ARHGEF17: variants seen among roughly 807,000 people sequenced by gnomAD.
ARHGEF17 encodes the protein 164 kDa Rho-specific guanine-nucleotide exchange factor.
A neutral mutation model predicts 174.0 loss-of-function variants in ARHGEF17; 80 were observed. The observed-to-expected ratio is 0.46, with a 90% confidence interval of 0.38 to 0.55. The LOEUF (loss-of-function observed/expected upper bound fraction) is 0.55. Among genes scored for constraint, ARHGEF17 ranks in the 20% least tolerant of loss-of-function variants. The probability of loss-of-function intolerance (pLI) is 0.00; values close to 1 mark genes in which losing one functional copy is unlikely to be tolerated. For missense variants in ARHGEF17, 2,886 were observed against 2,839.7 expected, an observed-to-expected ratio of 1.02 and a Z score of -0.37; for synonymous variants, 1,311 against 1,189.1, an observed-to-expected ratio of 1.10 and a Z score of -2.11.
chr11:73,364,296 C>A, intron 17 of ARHGEF17, 57 bp downstream of exon 17: 3 of 1,604,538 alleles, frequency 1.9e-6, no homozygotes, highest in Non-Finnish European at 2.6e-6. Context: ...TGTTGGGGCT[C>A]TCTCCTGGAG....
Position 73,362,418 on chromosome 11 carries a change from T to C in ARHGEF17, c.4695-15T>C. ...GGCTCGTAGCTGCTGTCATCCTCAC[T>C]CCGTCTTCTCGCAGGGAGCCTCCTC... On this transcript the variant is annotated splice_polypyrimidine_tract_variant and intron_variant, in intron 13 of 20. Coordinates refer to ENST00000263674, the MANE Select transcript of ARHGEF17 (RefSeq NM_014786.4). 1 of 1,533,342 alleles carries C rather than the reference T, an allele frequency of 6.5e-7. No homozygotes were observed. 95.0% of individuals were successfully genotyped at this position (1,533,342 alleles called of 1,614,324 possible).
chr11:73,340,195 C>T (rs893543881), intron 1 of ARHGEF17, among the ~76,000 whole-genome samples: 1 of 152,202 alleles, frequency 6.6e-6, no homozygotes, highest in African/African-American at 2.4e-5. Context: ...CTCTTTGCTT[C>T]CTTTCATCTC....
chr11:73,321,191 C>T (rs578007556), intron 1 of ARHGEF17, among the ~76,000 whole-genome samples: 1 of 152,336 alleles, frequency 6.6e-6, no homozygotes, highest in East Asian at 1.9e-4. Context: ...GAGCCTGGTT[C>T]TCTGGAGGTG....
chr11:73,350,032 A>G (rs1478901555), intron 2 of ARHGEF17, among the ~76,000 whole-genome samples: 1 of 152,158 alleles, frequency 6.6e-6, no homozygotes, highest in East Asian at 1.9e-4. Context: ...CAGTTTCCTC[A>G]TCTGTAGAGA....
At chr11:73,356,475 T>C in intron 6 of ARHGEF17, 124 bp downstream of exon 6, 1 of 1,285,718 alleles carries the variant, frequency 7.8e-7, no homozygotes. Flanking sequence ...CCACAGTGTG[T>C]TTGCATCCAT....
chr11:73,348,953 T>C (rs991976546), intron 2 of ARHGEF17, among the ~76,000 whole-genome samples: 1 of 151,956 alleles, frequency 6.6e-6, no homozygotes, highest in African/African-American at 2.4e-5. Flanking sequence ...GAGGGATGGC[T>C]CCCAGCAGAG....
intron 1 of ARHGEF17, among the ~76,000 whole-genome samples, chr11:73,329,357 ATATATATATATATATATT>A (rs1195199039): frequency 0.016 from 66 of 4,126 alleles, 1 homozygote; most frequent in Non-Finnish European, 0.025. Flanking sequence ...ATATATATAT[ATATATATATATATATATT>A]TTTTTTTTTT....
chr11:73,362,296 T>C, intron 13 of ARHGEF17, 57 bp downstream of exon 13: 3 of 1,460,312 alleles, frequency 2.1e-6, no homozygotes, highest in Non-Finnish European at 2.7e-6. Flanking sequence ...CCAACCCCTG[T>C]CCCAGCACAC....
intron 2 of ARHGEF17, among the ~76,000 whole-genome samples, chr11:73,349,615 C>CA (rs1240453236): frequency 6.6e-6 from 1 of 151,808 alleles, no homozygotes; most frequent in Non-Finnish European, 1.5e-5. Context: ...GACTCTGTCT[C>CA]AAAAAACAAA....
chr11:73,340,482 A>G (rs1383247560), intron 1 of ARHGEF17, among the ~76,000 whole-genome samples: 8 of 152,134 alleles, frequency 5.3e-5, no homozygotes, highest in Non-Finnish European at 8.8e-5. Context: ...CCTATGAGAA[A>G]AAGCCCTGTG....
At chr11:73,351,370 G>A (rs1317079763) in intron 2 of ARHGEF17, among the ~76,000 whole-genome samples, 5 of 152,068 alleles carry the variant, frequency 3.3e-5, no homozygotes, top group African/African-American at 1.2e-4. Flanking sequence ...AGTAGAGGGC[G>A]ACCTCTCCAC....
chr11:73,310,157 T>A lies in ARHGEF17; in HGVS notation c.1519T>A (p.Ser507Thr). 1 of 1,613,900 alleles carries A rather than the reference T, an allele frequency of 6.2e-7. No individual in the cohort carries two copies. Among genetic ancestry groups the A allele is most frequent in the African/African-American group, 1.3e-5 (1 of 75,030 alleles). The stretch of plus-strand genomic sequence containing the variant: ...AAGCAACCCCCTAGATGGCAGAGAC[T>A]CACCATCCGCAGGTGGCCCTGTGGG... ...RGSNPLDGRD[S>T]PSAGGPVGQL... The change falls in exon 1 of 21, where the codon TCA becomes ACA. Residue 507 changes from serine (S) to threonine (T), a missense_variant. This residue lies in a region of ARHGEF17 where 1,728 missense variants were observed against 1,461.2 expected (regional missense o/e 1.18). Coordinates refer to ENST00000263674, the MANE Select transcript of ARHGEF17 (RefSeq NM_014786.4).
intron 1 of ARHGEF17, among the ~76,000 whole-genome samples, chr11:73,313,096 T>C (rs1005330515): frequency 6.6e-6 from 1 of 152,232 alleles, no homozygotes; most frequent in Non-Finnish European, 1.5e-5. Flanking sequence ...AGTCACTCCC[T>C]TTCCCAGCAC....
chr11:73,311,035 T>C lies in ARHGEF17; in HGVS notation c.2397T>C (p.Val799=). ...AAGAGAGCAAGGGATATCAGGAGGT[T>C]ATTCAGAGCATAGTTCAGGGGCCTG... ...GSEESKGYQE[V]IQSIVQGPGT... Residue 799 remains valine, a synonymous_variant, in exon 1 of 21, where the codon GTT becomes GTC. Transcript: ENST00000263674. 1 of 1,614,078 alleles carries C rather than the reference T, an allele frequency of 6.2e-7. No homozygotes were observed. Among genetic ancestry groups the C allele is most frequent in the Non-Finnish European group, 8.5e-7 (1 of 1,179,988 alleles).
At chr11:73,341,989 C>G (rs981065458) in intron 1 of ARHGEF17, among the ~76,000 whole-genome samples, 1 of 148,404 alleles carries the variant, frequency 6.7e-6, no homozygotes, top group Admixed American at 6.7e-5. Flanking sequence ...CTCGCCCCCA[C>G]CCCTCAGTCC....
chr11:73,363,650 A>G (rs1356342711), intron 15 of ARHGEF17, 97 bp from the exon 16 acceptor site: 11 of 1,529,926 alleles, frequency 7.2e-6, no homozygotes, highest in Non-Finnish European at 8.1e-6. Flanking sequence ...GGCACCCAGC[A>G]TTGAAGACGT....
At chr11:73,351,299 CAT>C (rs1394135483) in intron 2 of ARHGEF17, among the ~76,000 whole-genome samples, 2 of 150,720 alleles carry the variant, frequency 1.3e-5, no homozygotes, top group Non-Finnish European at 2.9e-5. Context: ...TGCAACATCA[CAT>C]ATGCTTTTTC....
Position 73,311,412 on chromosome 11 carries a change from G to T in ARHGEF17, c.2774G>T (p.Arg925Leu). Residue 925 changes from arginine to leucine, a missense_variant, in exon 1 of 21, where the codon CGC becomes CTC. Transcript: ENST00000263674. ...CTAATCCGCCGAGGCTCCAAGAAGC[G>T]CCCAGCTCGGAGTAGTCACCAGGAG... ...PRLIRRGSKK[R>L]PARSSHQELR... 5 of 1,613,290 alleles carry T rather than the reference G, an allele frequency of 3.1e-6. No individual in the cohort carries two copies. Among genetic ancestry groups the T allele is most frequent in the Non-Finnish European group, 4.2e-6 (5 of 1,180,042 alleles).
chr11:73,365,201 G>T lies in ARHGEF17; in HGVS notation c.5551-189G>T, dbSNP rs866056252. 3 of 625,180 alleles carry T rather than the reference G, an allele frequency of 4.8e-6. No homozygotes were observed. The highest frequency in any genetic ancestry group is 8.3e-6 in the Non-Finnish European group (3 of 360,974). 38.7% of individuals were successfully genotyped at this position (625,180 alleles called of 1,614,324 possible). A position where few individuals can be genotyped will look rare whatever the true frequency, so the allele number is the denominator to read the frequency against. ...ATCACTCAAGTTTAATGGGGAAAAA[G>T]CACCTCCATTGTAATTCCTGAGAAC... On this transcript the variant is annotated intron_variant, in intron 18 of 20. Coordinates refer to ENST00000263674, the MANE Select transcript of ARHGEF17 (RefSeq NM_014786.4). This position sits in a 1 kb window ranked among gnomAD's most constrained non-coding sequence, Gnocchi z 4.9.
Sources: gnomAD v4.1 joint callset for allele counts (sites outside exome capture counted in the v4.1 genomes callset) on GRCh38, gnomAD v4.1.1 for gene constraint, gnomAD v4.1.1 regional missense constraint, Gnocchi (gnomAD v3.1) non-coding constraint, MANE v1.5 for transcripts, NCBI Gene and HGNC (gene_info 2026-07-23, HGNC 2026-07-21) for gene names.